MAGI3: variants seen among roughly 807,000 people sequenced by gnomAD.
The protein encoded by MAGI3 is membrane associated guanylate kinase, WW and PDZ domain containing 3.
Under a neutral mutation model 121.8 loss-of-function variants are expected in MAGI3, and 43 were observed. The ratio of observed to expected loss-of-function variants is 0.35; its 90% confidence interval spans 0.28 to 0.46. MAGI3 has a LOEUF of 0.46. Among genes scored for constraint, MAGI3 ranks in the 20% least tolerant of loss-of-function variants. MAGI3 has a pLI of 1.00. For missense variants in MAGI3, 1,547 were observed against 1,797.3 expected, an observed-to-expected ratio of 0.86 and a Z score of 2.52; for synonymous variants, 553 against 639.3, an observed-to-expected ratio of 0.86 and a Z score of 2.04.
intron 1 of MAGI3, among the ~76,000 whole-genome samples, chr1:113,493,850 T>G (rs1656782523): frequency 6.6e-6 from 1 of 152,098 alleles, no homozygotes; most frequent in Non-Finnish European, 1.5e-5. Flanking sequence ...ATGCTATTAT[T>G]AAAAAGTCAA....
intron 1 of MAGI3, among the ~76,000 whole-genome samples, chr1:113,448,401 T>A (rs1243168015): frequency 6.6e-6 from 1 of 152,224 alleles, no homozygotes; most frequent in Non-Finnish European, 1.5e-5. Flanking sequence ...CTGGGAAATT[T>A]GAACCTACCC....
In MAGI3 at chr1:113,671,283, G is replaced by T. The variant is rs547576349; in HGVS notation, c.2816-451G>T. Among the ~76,000 whole-genome samples, 3 of 152,200 alleles carry T rather than the reference G, an allele frequency of 2.0e-5. No homozygotes were observed. The East Asian group carries it at 5.8e-4, about 29-fold the overall frequency. On this transcript the variant is annotated intron_variant, in intron 16 of 20. Transcript: ENST00000307546. ...AACTGCTCCTATATTGAAGATGCAGGTTCAAAGGTGTGAGTGTGGTTTGCA... is the reference window on the plus strand; with the variant it reads ...AACTGCTCCTATATTGAAGATGCAGTTTCAAAGGTGTGAGTGTGGTTTGCA...
chr1:113,564,837 T>A (rs1660378153), intron 2 of MAGI3, among the ~76,000 whole-genome samples: 1 of 152,126 alleles, frequency 6.6e-6, no homozygotes. Flanking sequence ...ATTTATTTAT[T>A]TATTTATTTT....
chr1:113,636,829 G>A (rs1011703105), intron 9 of MAGI3, among the ~76,000 whole-genome samples: 1 of 152,016 alleles, frequency 6.6e-6, no homozygotes, highest in African/African-American at 2.4e-5. Flanking sequence ...ACAGTGGGGT[G>A]TTAAAGTCTC....
Position 113,585,722 on chromosome 1 carries a change from G to T in MAGI3, c.763+126G>T, listed in dbSNP as rs1055017664. ...CAAGTGATGGGATTTTAATTTTTTT[G>T]TAAAGGTTGTATGTGGAGCAAAGTG... On this transcript the variant is annotated intron_variant, in intron 4 of 20. Transcript: ENST00000307546. 6.7e-5 allele frequency: 52 copies of T among 781,740 alleles called. No homozygotes were observed. In the Admixed American group the frequency reaches 1.2e-3, roughly 18 times the overall value. The allele number at this position is 781,740 out of a possible 1,614,324, so 48.4% of individuals were successfully genotyped here.
At chr1:113,503,675 GGAAGGAAAT>G (rs1657161493) in intron 1 of MAGI3, among the ~76,000 whole-genome samples, 1 of 145,786 alleles carries the variant, frequency 6.9e-6, no homozygotes, top group Non-Finnish European at 1.5e-5. Flanking sequence ...AAGTAAAGGA[GGAAGGAAAT>G]GAATAATCTT....
At chr1:113,610,722 G>A (rs943626420) in intron 6 of MAGI3, among the ~76,000 whole-genome samples, 7 of 152,050 alleles carry the variant, frequency 4.6e-5, no homozygotes, top group African/African-American at 1.4e-4. Context: ...TGGATCACGA[G>A]GTCAGGAGAC....
At chr1:113,604,801 T>C (rs1183220663) in intron 6 of MAGI3, among the ~76,000 whole-genome samples, 2 of 151,220 alleles carry the variant, frequency 1.3e-5, no homozygotes, top group African/African-American at 2.4e-5. Context: ...AGTCGTATAA[T>C]AGACATTGAA....
At chr1:113,566,555 C>T (rs1459001295) in intron 2 of MAGI3, among the ~76,000 whole-genome samples, 1 of 152,000 alleles carries the variant, frequency 6.6e-6, no homozygotes, top group Non-Finnish European at 1.5e-5. Flanking sequence ...CACATTAGAC[C>T]ACAAAACAAG....
chr1:113,439,458 C>T (rs1405293367), intron 1 of MAGI3, among the ~76,000 whole-genome samples: 2 of 152,160 alleles, frequency 1.3e-5, no homozygotes, highest in Non-Finnish European at 2.9e-5. Context: ...CTCTTTTTAG[C>T]CTGCTCAGAG....
intron 1 of MAGI3, among the ~76,000 whole-genome samples, chr1:113,440,591 T>A (rs1179344935): frequency 2.0e-5 from 3 of 152,200 alleles, no homozygotes; most frequent in Non-Finnish European, 4.4e-5. Context: ...CTTGCCATTA[T>A]CTAAGCTGTG....
intron 1 of MAGI3, among the ~76,000 whole-genome samples, chr1:113,398,021 C>G (rs1051878061): frequency 2.0e-5 from 3 of 152,154 alleles, no homozygotes; most frequent in Non-Finnish European, 2.9e-5. Context: ...CATTATATCT[C>G]CATTCTTCCC....
chr1:113,650,483 A>G (rs1653096560), intron 13 of MAGI3, among the ~76,000 whole-genome samples: 1 of 152,230 alleles, frequency 6.6e-6, no homozygotes, highest in Admixed American at 6.5e-5. Flanking sequence ...AGATTTGTTC[A>G]CCTAGATGCA....
intron 1 of MAGI3, among the ~76,000 whole-genome samples, chr1:113,543,533 G>A (rs973220661): frequency 2.0e-5 from 3 of 152,138 alleles, no homozygotes; most frequent in Non-Finnish European, 4.4e-5. Context: ...AAAATTTCAT[G>A]TATTCAAGGA....
chr1:113,393,796 T>G (rs903046471), intron 1 of MAGI3, among the ~76,000 whole-genome samples: 1 of 152,336 alleles, frequency 6.6e-6, no homozygotes, highest in Non-Finnish European at 1.5e-5. Flanking sequence ...ATTGTTTTAT[T>G]TTTTGCTTTT....
chr1:113,648,474 C>T (rs1012964557), intron 12 of MAGI3, among the ~76,000 whole-genome samples: 2 of 149,222 alleles, frequency 1.3e-5, no homozygotes, highest in Admixed American at 6.7e-5. Flanking sequence ...TGCAGTGGCA[C>T]GATCTCAGTT....
At chr1:113,450,244 C>G (rs1330164962) in intron 1 of MAGI3, 2 of 1,601,220 alleles carry the variant, frequency 1.2e-6, no homozygotes, top group African/African-American at 1.3e-5. Flanking sequence ...CCTTTCTAAA[C>G]AAGAGATGCA....
intron 1 of MAGI3, among the ~76,000 whole-genome samples, chr1:113,504,720 C>T (rs1330215577): frequency 6.6e-6 from 1 of 151,860 alleles, no homozygotes; most frequent in Admixed American, 6.6e-5. Flanking sequence ...GAAATATATC[C>T]CTAAGAAATA....
chr1:113,515,116 T>G (rs1031227696), intron 1 of MAGI3, among the ~76,000 whole-genome samples: 3 of 152,072 alleles, frequency 2.0e-5, no homozygotes, highest in Non-Finnish European at 4.4e-5. Flanking sequence ...AGTGGCAAAA[T>G]GTAGATATGA....
Sources: gnomAD v4.1 joint callset for allele counts (sites outside exome capture counted in the v4.1 genomes callset) on GRCh38, gnomAD v4.1.1 for gene constraint, MANE v1.5 for transcripts, NCBI Gene and HGNC (gene_info 2026-07-23, HGNC 2026-07-21) for gene names.